Variants in LAMA2 observed in about 807,000 individuals in gnomAD.
The protein encoded by LAMA2 is laminin subunit alpha-2.
Under a neutral mutation model 364.8 loss-of-function variants are expected in LAMA2, and 269 were observed. That is an observed-to-expected ratio of 0.74 (90% CI 0.67 to 0.82). LAMA2 has a LOEUF of 0.82. LAMA2 is among the 40% of genes least tolerant of loss of function. The probability of loss-of-function intolerance (pLI) is 0.00; values close to 1 mark genes in which losing one functional copy is unlikely to be tolerated. For missense variants in LAMA2, 3,807 were observed against 3,873.2 expected (o/e 0.98, Z 0.45); for synonymous variants, 1,379 against 1,370.6 (o/e 1.01, Z -0.14).
intron 30 of LAMA2, among the ~76,000 whole-genome samples, 166 bp from the exon 31 acceptor site, chr6:129,349,132 T>C (rs1157888482): frequency 6.6e-6 from 1 of 152,218 alleles, no homozygotes; most frequent in Non-Finnish European, 1.5e-5. Flanking sequence ...TAATGGTTTT[T>C]CATTGTGACG....
chr6:129,288,398 A>G (rs560868313), intron 19 of LAMA2, among the ~76,000 whole-genome samples: 1 of 152,188 alleles, frequency 6.6e-6, no homozygotes, highest in African/African-American at 2.4e-5. Context: ...CCATTTTTTT[A>G]TCTCAATTCT....
At chr6:129,287,054 G>GA (rs1292310868) in intron 18 of LAMA2, among the ~76,000 whole-genome samples, 6 of 19,050 alleles carry the variant, frequency 3.1e-4, no homozygotes, top group Admixed American at 4.3e-4. Flanking sequence ...AAGGAAGCAA[G>GA]GAAGGAAGGA....
intron 1 of LAMA2, among the ~76,000 whole-genome samples, chr6:128,939,689 G>A (rs963457555): frequency 2.0e-4 from 31 of 152,232 alleles, no homozygotes; most frequent in African/African-American, 7.0e-4. Flanking sequence ...GAATAGGAGA[G>A]TCAATAAGAA....
At chr6:128,923,000 T>C (rs1165137051) in intron 1 of LAMA2, among the ~76,000 whole-genome samples, 3 of 151,430 alleles carry the variant, frequency 2.0e-5, no homozygotes, top group Non-Finnish European at 4.4e-5. Context: ...CTCAGGTTTG[T>C]CAAAGATCAG....
intron 3 of LAMA2, among the ~76,000 whole-genome samples, chr6:129,077,028 T>C (rs1054974252): frequency 1.3e-5 from 2 of 152,148 alleles, no homozygotes; most frequent in African/African-American, 4.8e-5. Flanking sequence ...CAAAGATGAA[T>C]AATCTTCAAA....
chr6:129,508,581 T>TTAA (rs1183371200), intron 62 of LAMA2, among the ~76,000 whole-genome samples: 1 of 152,212 alleles, frequency 6.6e-6, no homozygotes, highest in Non-Finnish European at 1.5e-5. Context: ...TTGAATTGCT[T>TTAA]TAATTTTTAG....
At chr6:129,325,098 A>G (rs1015004637) in intron 28 of LAMA2, among the ~76,000 whole-genome samples, 1 of 152,218 alleles carries the variant, frequency 6.6e-6, no homozygotes, top group Non-Finnish European at 1.5e-5. Context: ...CTAGGATAGG[A>G]TAGGTCTCTA....
In LAMA2 at chr6:128,899,453, T is replaced by C. The variant is rs562648729; in HGVS notation, c.112+16096T>C. Among the ~76,000 whole-genome samples, 83 of 152,368 alleles carry C rather than the reference T, an allele frequency of 5.4e-4. 1 individual carries two copies. The South Asian group carries it at 0.016, about 30-fold the overall frequency. On this transcript the variant is annotated intron_variant, in intron 1 of 64. Coordinates refer to ENST00000421865, the MANE Select transcript of LAMA2 (RefSeq NM_000426.4). The stretch of plus-strand genomic sequence containing the variant: ...AGTTATAAATTAATAAAGTATGTTA[T>C]ATAATGCTAGGACTTTTTGTCTTTC...
chr6:129,175,850 A>T (rs1384350854), intron 9 of LAMA2, among the ~76,000 whole-genome samples: 1 of 152,170 alleles, frequency 6.6e-6, no homozygotes, highest in Non-Finnish European at 1.5e-5. Flanking sequence ...TAATAAAAAA[A>T]ATTAACTATC....
intron 29 of LAMA2, among the ~76,000 whole-genome samples, chr6:129,339,618 C>G (rs751359362): frequency 1.3e-5 from 2 of 151,934 alleles, no homozygotes; most frequent in Non-Finnish European, 2.9e-5. Context: ...TTAAGGGCGT[C>G]AATTATATTG....
chr6:129,325,062 A>T (rs1775191726), intron 28 of LAMA2, among the ~76,000 whole-genome samples: 1 of 152,198 alleles, frequency 6.6e-6, no homozygotes, highest in Admixed American at 6.5e-5. Context: ...TGAAGAAAGA[A>T]AGGAGCGCAG....
At chr6:129,145,046 C>G (rs936433485) in intron 5 of LAMA2, among the ~76,000 whole-genome samples, 30 of 151,954 alleles carry the variant, frequency 2.0e-4, no homozygotes, top group African/African-American at 7.2e-4. Flanking sequence ...ATAAAGTAAA[C>G]TCCTGTGAAT....
intron 1 of LAMA2, among the ~76,000 whole-genome samples, chr6:128,924,545 G>GA (rs56209254): frequency 1.3e-5 from 2 of 151,282 alleles, no homozygotes; most frequent in African/African-American, 4.9e-5. Flanking sequence ...TATATCCCAG[G>GA]AAAAAAAAAA....
At chr6:129,158,391 C>A in intron 8 of LAMA2, 1 of 1,613,968 alleles carries the variant, frequency 6.2e-7, no homozygotes, top group Non-Finnish European at 8.5e-7. Context: ...TTCTCCATAT[C>A]GGCCTTTACC....
intron 10 of LAMA2, among the ~76,000 whole-genome samples, chr6:129,186,135 A>T (rs1016561980): frequency 6.6e-6 from 1 of 151,782 alleles, no homozygotes; most frequent in African/African-American, 2.4e-5. Flanking sequence ...TTTTGTTTAG[A>T]TTAACAGTTA....
intron 1 of LAMA2, among the ~76,000 whole-genome samples, chr6:128,930,354 G>A (rs1036947848): frequency 6.6e-6 from 1 of 152,136 alleles, no homozygotes; most frequent in Non-Finnish European, 1.5e-5. Flanking sequence ...CTCCTTTTGG[G>A]CATATAGTAG....
At chr6:129,126,471 A>G (rs1397892229) in intron 4 of LAMA2, among the ~76,000 whole-genome samples, 1 of 152,188 alleles carries the variant, frequency 6.6e-6, no homozygotes, top group Non-Finnish European at 1.5e-5. Flanking sequence ...GCTTATCATA[A>G]TGGGGAGGAA....
chr6:129,392,983 C>A, intron 36 of LAMA2, 62 bp from the exon 37 acceptor site: 1 of 1,282,878 alleles, frequency 7.8e-7, no homozygotes, highest in South Asian at 1.2e-5. Flanking sequence ...GGTTTAATAC[C>A]AATAAACCCT....
chr6:129,088,148 C>T (rs1286633481), intron 3 of LAMA2, among the ~76,000 whole-genome samples: 1 of 118,656 alleles, frequency 8.4e-6, no homozygotes, highest in African/African-American at 2.8e-5. Flanking sequence ...ACATCTTGTA[C>T]CGCCCTTAAT....
Sources: allele counts gnomAD v4.1 joint callset (sites outside exome capture counted in the v4.1 genomes callset), GRCh38; gene constraint gnomAD v4.1.1; transcripts MANE v1.5; gene names NCBI Gene and HGNC (gene_info 2026-07-23, HGNC 2026-07-21).